Variants in WDR49 observed in about 807,000 individuals in gnomAD.
WDR49 encodes cilia- and flagella-associated protein 337.
WDR49 carries 107 observed loss-of-function variants against 119.5 expected under a neutral mutation model. That is an observed-to-expected ratio of 0.90 (90% CI 0.77 to 1.05). WDR49 has a LOEUF of 1.05. Among genes scored for constraint, WDR49 ranks in the 50% least tolerant of loss-of-function variants. The probability of loss-of-function intolerance (pLI) is 0.00; values close to 1 mark genes in which losing one functional copy is unlikely to be tolerated. For missense variants in WDR49, 1,240 were observed against 1,220.5 expected, an observed-to-expected ratio of 1.02 and a Z score of -0.24; for synonymous variants, 425 against 418.8, an observed-to-expected ratio of 1.01 and a Z score of -0.18.
rs760838043 is a variant in WDR49 at position 167,554,774 on chromosome 3, G to A, written c.1699C>T (p.His567Tyr). 3.1e-6 allele frequency: 5 copies of A among 1,609,692 alleles called. No homozygotes were observed. Among genetic ancestry groups the A allele is most frequent in the Non-Finnish European group, 4.2e-6 (5 of 1,178,830 alleles). ...VKIWDFNGYC[H>Y]HTLNVGQDGA... Reference sequence around the variant, plus strand: ...TCTTGCCCAACATTTAGTGTATGGTGACAATATCCATTGAAGTCCCATATC... The same window carrying A: ...TCTTGCCCAACATTTAGTGTATGGTAACAATATCCATTGAAGTCCCATATC... Residue 567 changes from histidine to tyrosine, a missense_variant, in exon 10 of 19, where the codon CAC becomes TAC. Coordinates refer to ENST00000682715, the MANE Select transcript of WDR49 (RefSeq NM_001366157.1).
chr3:167,612,037 T>C (rs545218158), intron 5 of WDR49, among the ~76,000 whole-genome samples: 1 of 152,278 alleles, frequency 6.6e-6, no homozygotes, highest in East Asian at 1.9e-4. Context: ...ATACACATTC[T>C]TTTCCTCAGC....
intron 2 of WDR49, among the ~76,000 whole-genome samples, chr3:167,631,064 A>T (rs937179493): frequency 1.4e-4 from 22 of 151,960 alleles, no homozygotes; most frequent in African/African-American, 5.1e-4. Flanking sequence ...TGTTAAAAAC[A>T]ATGAGATCAC....
chr3:167,618,300 T>A (rs1288757439), intron 5 of WDR49, among the ~76,000 whole-genome samples: 1 of 152,202 alleles, frequency 6.6e-6, no homozygotes, highest in Non-Finnish European at 1.5e-5. Flanking sequence ...TTGTGTTAGT[T>A]TCTATTTCAT....
At chr3:167,548,242 G>A (rs1416864315) in intron 10 of WDR49, among the ~76,000 whole-genome samples, 1 of 151,920 alleles carries the variant, frequency 6.6e-6, no homozygotes, top group East Asian at 1.9e-4. Context: ...CACTAAGGGG[G>A]CAATTTACTG....
At chr3:167,610,581 A>AT (rs1716293206) in intron 5 of WDR49, among the ~76,000 whole-genome samples, 2 of 152,222 alleles carry the variant, frequency 1.3e-5, no homozygotes, top group South Asian at 4.1e-4. Context: ...TGCAGATGGC[A>AT]TTTTGGGACC....
At chr3:167,503,458 C>T (rs986819721) in intron 17 of WDR49, among the ~76,000 whole-genome samples, 3 of 152,148 alleles carry the variant, frequency 2.0e-5, no homozygotes, top group African/African-American at 7.2e-5. Context: ...CTTGGCCTCA[C>T]GGATTCCAAG....
chr3:167,491,223 C>G (rs1011644603), intron 18 of WDR49, among the ~76,000 whole-genome samples: 1 of 152,108 alleles, frequency 6.6e-6, no homozygotes, highest in East Asian at 1.9e-4. Flanking sequence ...GCTTTAGAAT[C>G]ACTTTTAGGT....
intron 2 of WDR49, 27 bp downstream of exon 2, chr3:167,653,234 T>G: frequency 6.5e-7 from 1 of 1,535,912 alleles, no homozygotes; most frequent in Middle Eastern, 1.7e-4. Context: ...CAACTCAAAC[T>G]ATCTGGTCAA....
chr3:167,570,143 T>C (rs1713847895), intron 8 of WDR49, among the ~76,000 whole-genome samples: 1 of 150,960 alleles, frequency 6.6e-6, no homozygotes, highest in Admixed American at 6.6e-5. Flanking sequence ...ATTAACAGAA[T>C]GGATGTCACT....
chr3:167,649,880 T>C (rs1718289284), intron 2 of WDR49, among the ~76,000 whole-genome samples: 1 of 152,180 alleles, frequency 6.6e-6, no homozygotes, highest in Non-Finnish European at 1.5e-5. Context: ...GCTCTCAGCT[T>C]ACAGTCAGGC....
intron 15 of WDR49, among the ~76,000 whole-genome samples, chr3:167,525,341 G>A (rs764632987): frequency 3.3e-5 from 5 of 152,014 alleles, no homozygotes; most frequent in Non-Finnish European, 5.9e-5. Flanking sequence ...ATACAATCAC[G>A]TTGTATGCAA....
At chr3:167,502,667 T>C (rs1202616133) in intron 17 of WDR49, among the ~76,000 whole-genome samples, 1 of 152,184 alleles carries the variant, frequency 6.6e-6, no homozygotes, top group African/African-American at 2.4e-5. Flanking sequence ...GTTCATGCTC[T>C]AGGCATCTGT....
intron 7 of WDR49, among the ~76,000 whole-genome samples, chr3:167,601,496 A>G (rs188411650): frequency 5.1e-4 from 77 of 152,282 alleles, no homozygotes; most frequent in Admixed American, 1.8e-3. Flanking sequence ...TTGAAGCTTT[A>G]CCAAGGAACA....
intron 2 of WDR49, among the ~76,000 whole-genome samples, chr3:167,638,291 A>C (rs1162269055): frequency 6.6e-6 from 1 of 151,392 alleles, no homozygotes; most frequent in Non-Finnish European, 1.5e-5. Flanking sequence ...TCAAAATTTT[A>C]TTTTCTTCAT....
At position 167,544,017 on chromosome 3, in the gene WDR49, AC is replaced by A. The variant is rs1441769433; in HGVS notation, c.1824-7018del. 3.3e-5 allele frequency among the ~76,000 whole-genome samples: 5 copies of A among 151,948 alleles called. 1 individual carries two copies. In the South Asian group the frequency reaches 6.2e-4, roughly 19 times the overall value. ...GTAAAACTGCTATACACCAACAACA[AC>A]CAAGCTGAGAACCAAATCAAGAACT... On this transcript the variant is annotated intron_variant, in intron 10 of 18. Coordinates refer to ENST00000682715, the MANE Select transcript of WDR49 (RefSeq NM_001366157.1).
chr3:167,508,962 A>T (rs928003031), intron 16 of WDR49, among the ~76,000 whole-genome samples: 2 of 152,228 alleles, frequency 1.3e-5, no homozygotes, highest in African/African-American at 4.8e-5. Context: ...TTTAAATAAT[A>T]TTAAATATCA....
chr3:167,486,701 T>C (rs564530167), intron 18 of WDR49, among the ~76,000 whole-genome samples: 3 of 151,988 alleles, frequency 2.0e-5, no homozygotes, highest in Non-Finnish European at 4.4e-5. Context: ...AATAGACACA[T>C]ACCAATCATT....
intron 15 of WDR49, among the ~76,000 whole-genome samples, chr3:167,526,681 T>A (rs1266223298): frequency 1.3e-5 from 2 of 152,278 alleles, no homozygotes; most frequent in East Asian, 3.9e-4. Context: ...GTCTAGCCAA[T>A]GTGGGTCCAC....
chr3:167,648,738 T>C (rs1718238957), intron 2 of WDR49, among the ~76,000 whole-genome samples: 1 of 152,168 alleles, frequency 6.6e-6, no homozygotes, highest in Non-Finnish European at 1.5e-5. Context: ...AAACATTCCC[T>C]AGTGCTCTCC....
Sources: allele counts gnomAD v4.1 joint callset (sites outside exome capture counted in the v4.1 genomes callset), GRCh38; gene constraint gnomAD v4.1.1; transcripts MANE v1.5; gene names NCBI Gene and HGNC (gene_info 2026-07-23, HGNC 2026-07-21).